The following PHF2 variants were observed in gnomAD, a reference collection of about 807,000 sequenced individuals.
PHF2 encodes lysine-specific demethylase PHF2.
PHF2 carries 27 observed loss-of-function variants against 120.5 expected under a neutral mutation model. The observed-to-expected ratio is 0.22, with a 90% CI of 0.17 to 0.31. The LOEUF is 0.31. Ranked by LOEUF, PHF2 falls within the 10% of genes least tolerant of loss-of-function variation. The pLI is 1.00. For synonymous variants in PHF2, 568 were observed against 592.5 expected, an observed-to-expected ratio of 0.96 and a Z score of 0.60; for missense variants, 1,024 against 1,434.8, an observed-to-expected ratio of 0.71 and a Z score of 4.63.
intron 1 of PHF2, among the ~76,000 whole-genome samples, chr9:93,610,174 T>A (rs1337445960): frequency 6.6e-6 from 1 of 152,208 alleles, no homozygotes; most frequent in Admixed American, 6.5e-5. Context: ...TCAGCTGTTA[T>A]TATTTCAGAT....
chr9:93,645,641 G>C lies in PHF2; in HGVS notation c.312G>C (p.Val104=), dbSNP rs1244468085. ...TGCTTCCCTGCAGTGCTGAAGACGT[G>C]GTGGCCCGTGTGCCAGGAAGTCAGC... ...RSRTFPSAED[V]VARVPGSQLT... Residue 104 remains valine (V), a synonymous_variant, in exon 4 of 22, where the codon GTG becomes GTC. Coordinates refer to ENST00000359246, the MANE Select transcript of PHF2 (RefSeq NM_005392.4). 2 of 1,601,016 alleles carry C rather than the reference G, an allele frequency of 1.2e-6. No individual in the cohort carries two copies. Among genetic ancestry groups the C allele is most frequent in the Non-Finnish European group, 8.5e-7 (1 of 1,172,148 alleles).
intron 1 of PHF2, among the ~76,000 whole-genome samples, chr9:93,588,105 C>T (rs1863092313): frequency 6.6e-6 from 1 of 152,198 alleles, no homozygotes; most frequent in South Asian, 2.1e-4. Context: ...GGCCACTGCA[C>T]ATCTCTCCCT....
intron 14 of PHF2, among the ~76,000 whole-genome samples, chr9:93,664,707 C>T (rs1826643847): frequency 6.6e-6 from 1 of 152,208 alleles, no homozygotes; most frequent in African/African-American, 2.4e-5. Context: ...CTGGGCGTGT[C>T]ACTTGCTTTA....
At chr9:93,676,307 G>T (rs1176887721) in intron 20 of PHF2, among the ~76,000 whole-genome samples, 3 of 152,362 alleles carry the variant, frequency 2.0e-5, no homozygotes, top group Middle Eastern at 3.4e-3. Context: ...TCCAGAACTG[G>T]GAGATGTATA....
intron 1 of PHF2, among the ~76,000 whole-genome samples, chr9:93,587,690 C>T (rs1165196730): frequency 2.0e-5 from 3 of 152,078 alleles, no homozygotes; most frequent in South Asian, 2.1e-4. Flanking sequence ...TGCTTCTGCC[C>T]GAGCTCCCCC....
At chr9:93,618,020 ACAGT>A (rs1178764807) in intron 1 of PHF2, among the ~76,000 whole-genome samples, 2 of 152,254 alleles carry the variant, frequency 1.3e-5, no homozygotes, top group African/African-American at 4.8e-5. Flanking sequence ...AATCAAGTTG[ACAGT>A]CAGTCACTGC....
At position 93,660,515 on chromosome 9, in the gene PHF2, C is replaced by G; in HGVS notation, c.1653C>G (p.His551Gln). The G allele has an allele frequency of 6.3e-7, 1 of 1,598,776 alleles. No individual in the cohort carries two copies. The highest frequency in any genetic ancestry group is 1.3e-5 in the African/African-American group (1 of 74,360). ...TIPNLDLLEA[H>Q]TKEALTKMEP... The stretch of plus-strand genomic sequence containing the variant: ...CCAACCTGGACCTGCTCGAAGCCCA[C>G]ACCAAGGAGGCACTGACCAAGATGG... The change falls in exon 12 of 22, where the codon CAC becomes CAG. Residue 551 changes from histidine (H) to glutamine (Q), a missense_variant. By Grantham distance (24) the His-to-Gln change is conservative. Around this residue, in one of 2 missense-constraint regions of PHF2, gnomAD observed 677 missense variants for 857.4 expected, o/e 0.79. Transcript: ENST00000359246.
At chr9:93,673,971 C>T in intron 18 of PHF2, 109 bp downstream of exon 18, 1 of 1,261,812 alleles carries the variant, frequency 7.9e-7, no homozygotes, top group Non-Finnish European at 1.1e-6. Flanking sequence ...CAGCAGGCCT[C>T]AGCTCAGCAA....
At chr9:93,659,682 C>G (rs1225802720) in intron 11 of PHF2, 82 bp downstream of exon 11, 1 of 1,282,526 alleles carries the variant, frequency 7.8e-7, no homozygotes, top group Non-Finnish European at 1.1e-6. Flanking sequence ...CAGGGGCCAG[C>G]CTAACACAGA....
At chr9:93,655,418 G>C (rs1159195943) in intron 7 of PHF2, among the ~76,000 whole-genome samples, 1 of 152,162 alleles carries the variant, frequency 6.6e-6, no homozygotes, top group East Asian at 1.9e-4. Flanking sequence ...TTAGGAAAGA[G>C]TTGTGGATTT....
chr9:93,670,838 G>C (rs999404131), intron 17 of PHF2, among the ~76,000 whole-genome samples: 8 of 152,192 alleles, frequency 5.3e-5, no homozygotes, highest in African/African-American at 1.9e-4. Flanking sequence ...GGAGGAGGAT[G>C]CGGATGCGAG....
chr9:93,626,791 G>A (rs533358856), intron 1 of PHF2, among the ~76,000 whole-genome samples: 3 of 152,270 alleles, frequency 2.0e-5, no homozygotes, highest in South Asian at 4.2e-4. Context: ...TCATTCCTTT[G>A]CATGTGGATG....
chr9:93,653,053 C>A, intron 5 of PHF2, 126 bp from the exon 6 acceptor site: 2 of 776,944 alleles, frequency 2.6e-6, no homozygotes, highest in Non-Finnish European at 4.1e-6. Context: ...GAAATGGGAG[C>A]TGTGACCCGT....
At chr9:93,611,321 A>G (rs2131627409) in intron 1 of PHF2, among the ~76,000 whole-genome samples, 1 of 152,148 alleles carries the variant, frequency 6.6e-6, no homozygotes, top group Non-Finnish European at 1.5e-5. Flanking sequence ...AGCCTGAGGC[A>G]GAAGAATTGC....
At chr9:93,666,267 CGAGGGGTGTGT>C (rs1320337303) in intron 16 of PHF2, among the ~76,000 whole-genome samples, 1 of 151,912 alleles carries the variant, frequency 6.6e-6, no homozygotes, top group Non-Finnish European at 1.5e-5. Context: ...CCTGGGCGTG[CGAGGGGTGTGT>C]CCCCACTGAG....
chr9:93,626,021 T>G (rs1193127357), intron 1 of PHF2, among the ~76,000 whole-genome samples: 1 of 151,866 alleles, frequency 6.6e-6, no homozygotes, highest in Non-Finnish European at 1.5e-5. Flanking sequence ...GGTGGGTGGA[T>G]CATCTGAGGT....
intron 1 of PHF2, among the ~76,000 whole-genome samples, chr9:93,616,756 A>G (rs141321153): frequency 0.016 from 2,414 of 151,868 alleles, 68 homozygotes; most frequent in African/African-American, 0.056. Flanking sequence ...CCTGGGTTCA[A>G]GTGATTTCTC....
intron 1 of PHF2, among the ~76,000 whole-genome samples, chr9:93,604,913 A>T (rs74412472): frequency 6.6e-6 from 1 of 152,082 alleles, no homozygotes; most frequent in African/African-American, 2.4e-5. Context: ...ATTCCCACCC[A>T]TGACCACTGA....
intron 14 of PHF2, 120 bp downstream of exon 14, chr9:93,663,755 G>T: frequency 3.3e-6 from 2 of 607,098 alleles, no homozygotes; most frequent in Non-Finnish European, 5.9e-6. Flanking sequence ...CACTATGCAT[G>T]CACTCTGCAT....
Sources: allele counts gnomAD v4.1 joint callset (sites outside exome capture counted in the v4.1 genomes callset), GRCh38; gene constraint gnomAD v4.1.1; regional missense constraint gnomAD v4.1.1; transcripts MANE v1.5; gene names NCBI Gene and HGNC (gene_info 2026-07-23, HGNC 2026-07-21).